FOXP1: variants seen among roughly 807,000 people sequenced by gnomAD.
FOXP1 encodes forkhead box P1, also known as forkhead box protein P1.
A neutral mutation model predicts 98.2 loss-of-function variants in FOXP1; 15 were observed. The observed-to-expected ratio is 0.15, with a 90% confidence interval of 0.10 to 0.24. FOXP1 has a LOEUF of 0.24. Among genes scored for constraint, FOXP1 ranks in the 10% least tolerant of loss-of-function variants. The pLI is 1.00. For synonymous variants in FOXP1, 371 were observed against 314.5 expected (o/e 1.18, Z -1.90); for missense variants, 633 against 848.5 (o/e 0.75, Z 3.15).
At chr3:71,214,376 C>A (rs1576415297) in intron 5 of FOXP1, among the ~76,000 whole-genome samples, 1 of 152,160 alleles carries the variant, frequency 6.6e-6, no homozygotes, top group Admixed American at 6.5e-5. Flanking sequence ...AGAACAGGTA[C>A]CAACAGTGGG....
At chr3:71,473,146 A>C (rs141442089) in intron 3 of FOXP1, among the ~76,000 whole-genome samples, 39 of 152,360 alleles carry the variant, frequency 2.6e-4, no homozygotes, top group African/African-American at 7.2e-4. Context: ...TAGCTCATTT[A>C]ATCTCACAGG....
intron 12 of FOXP1, among the ~76,000 whole-genome samples, chr3:71,012,543 C>T (rs2043803229): frequency 6.6e-6 from 1 of 152,174 alleles, no homozygotes; most frequent in Admixed American, 6.6e-5. Flanking sequence ...ACATAATGCT[C>T]TCAGAGTATA....
At chr3:71,020,119 GTTAAT>G (rs1004324653) in intron 11 of FOXP1, among the ~76,000 whole-genome samples, 1 of 152,108 alleles carries the variant, frequency 6.6e-6, no homozygotes, top group Non-Finnish European at 1.5e-5. Context: ...AGAAAAGCCA[GTTAAT>G]TTAAATTTCT....
chr3:71,557,746 A>G (rs2046244364), intron 2 of FOXP1, among the ~76,000 whole-genome samples: 1 of 152,242 alleles, frequency 6.6e-6, no homozygotes, highest in Non-Finnish European at 1.5e-5. Flanking sequence ...ATGCCACATT[A>G]GGAGAGAATG....
At chr3:71,554,015 T>C (rs1578152836) in intron 2 of FOXP1, among the ~76,000 whole-genome samples, 1 of 152,338 alleles carries the variant, frequency 6.6e-6, no homozygotes, top group East Asian at 1.9e-4. Context: ...TTTCTGAATC[T>C]AGTAAAACCA....
intron 12 of FOXP1, among the ~76,000 whole-genome samples, chr3:71,006,719 A>T (rs990082556): frequency 6.6e-6 from 1 of 152,160 alleles, no homozygotes; most frequent in African/African-American, 2.4e-5. Context: ...TGGCTCTTAA[A>T]ATATAAGAAC....
intron 6 of FOXP1, among the ~76,000 whole-genome samples, chr3:71,118,907 A>G (rs540361691): frequency 4.0e-4 from 61 of 152,214 alleles, no homozygotes; most frequent in Non-Finnish European, 5.1e-4. Context: ...GACTTTTGAC[A>G]GAGACCACAT....
chr3:71,477,033 A>G (rs1264099394), intron 3 of FOXP1, among the ~76,000 whole-genome samples: 1 of 152,212 alleles, frequency 6.6e-6, no homozygotes, highest in East Asian at 1.9e-4. Context: ...GAGACAAATA[A>G]GAAAAGGTGA....
At chr3:70,983,570 A>G (rs920521912) in intron 14 of FOXP1, among the ~76,000 whole-genome samples, 2 of 152,226 alleles carry the variant, frequency 1.3e-5, no homozygotes, top group African/African-American at 4.8e-5. Flanking sequence ...CAAATATCCA[A>G]GTTCCTGTAA....
In FOXP1 at chr3:71,188,370, T is replaced by C. The variant is rs541379318; in HGVS notation, c.180+9832A>G. ...CAAGGTAATGTGATAAAAACACGAA[T>C]GTAGGATCAGTGGATGCTTTGCCTC... On this transcript the variant is annotated intron_variant, in intron 6 of 20. Coordinates refer to ENST00000649528, the MANE Select transcript of FOXP1 (RefSeq NM_001349338.3). Among the ~76,000 whole-genome samples the C allele has an allele frequency of 1.1e-4, 16 of 152,180 alleles. No homozygotes were observed. The East Asian group carries it at 3.1e-3, about 29-fold the overall frequency.
intron 5 of FOXP1, among the ~76,000 whole-genome samples, chr3:71,216,868 ACCATTT>A (rs996449644): frequency 3.3e-5 from 5 of 152,014 alleles, no homozygotes; most frequent in Non-Finnish European, 5.9e-5. Flanking sequence ...ATGGCTGAGG[ACCATTT>A]TGGTTGTCAC....
intron 3 of FOXP1, among the ~76,000 whole-genome samples, chr3:71,414,673 C>T (rs2083070383): frequency 6.6e-6 from 1 of 152,190 alleles, no homozygotes; most frequent in African/African-American, 2.4e-5. Flanking sequence ...GGGGAGAGGG[C>T]ACGAGGAGGA....
intron 2 of FOXP1, among the ~76,000 whole-genome samples, chr3:71,516,975 G>T (rs577413139): frequency 6.6e-6 from 1 of 152,324 alleles, no homozygotes; most frequent in African/African-American, 2.4e-5. Context: ...CTGACTGTGT[G>T]TGTGCTTTCT....
intron 10 of FOXP1, among the ~76,000 whole-genome samples, chr3:71,044,507 T>C (rs2048766788): frequency 2.0e-5 from 3 of 152,202 alleles, no homozygotes; most frequent in Admixed American, 1.3e-4. Context: ...CTCCATTTCC[T>C]ATTATAAAAC....
At position 71,583,662 on chromosome 3, in the gene FOXP1, A is replaced by G. The variant is rs2048371739; in HGVS notation, c.-538T>C. On this transcript the variant is annotated 5_prime_UTR_variant, in exon 1 of 21. Coordinates refer to ENST00000649528, the MANE Select transcript of FOXP1 (RefSeq NM_001349338.3). The stretch of plus-strand genomic sequence containing the variant: ...CCGCCCGCGCGCGCACCCCGCGCAC[A>G]CACTCACTCGCGCACACACGCGCGC... 2.5e-5 allele frequency: 25 copies of G among 984,014 alleles called. No individual in the cohort carries two copies. Among genetic ancestry groups the G allele is most frequent in the South Asian group, 4.7e-5 (1 of 21,252 alleles). 61.0% of individuals were successfully genotyped at this position (984,014 alleles called of 1,614,324 possible). A position where few individuals can be genotyped will look rare whatever the true frequency, so the allele number is the denominator to read the frequency against.
Position 70,986,115 on chromosome 3 carries a change from AT to A in FOXP1, c.1146+1878del, listed in dbSNP as rs909644945. ...GTTACAATTTTCTAGAAAGTAAAAC[AT>A]TTTTTTTTAATACTAATCAAGACAA... On this transcript the variant is annotated intron_variant, in intron 14 of 20. Transcript: ENST00000649528. Among the ~76,000 whole-genome samples the A allele has an allele frequency of 5.3e-5, 8 of 151,726 alleles. No homozygotes were observed. In the South Asian group the frequency reaches 1.5e-3, roughly 28 times the overall value.
intron 2 of FOXP1, among the ~76,000 whole-genome samples, chr3:71,565,126 A>T (rs1182451116): frequency 1.3e-5 from 2 of 152,084 alleles, no homozygotes; most frequent in African/African-American, 2.4e-5. Context: ...GAAAGAAGTC[A>T]AATCATCCAC....
chr3:71,575,178 G>C (rs914813405), intron 2 of FOXP1, among the ~76,000 whole-genome samples: 16 of 152,090 alleles, frequency 1.1e-4, no homozygotes, highest in Admixed American at 5.9e-4. Context: ...CTCGTGCTTG[G>C]TTAAAAACCA....
At position 71,366,655 on chromosome 3, in the gene FOXP1, C is replaced by T. The variant is rs754139036; in HGVS notation, c.-167-7411G>A. On this transcript the variant is annotated intron_variant, in intron 3 of 20. Transcript: ENST00000649528. ...GTTTTGACTTTAAAAAAAGAAGAAA[C>T]ATTTTGCACATTTCTACTCATTTAT... Among the ~76,000 whole-genome samples the T allele has an allele frequency of 1.4e-4, 22 of 152,064 alleles. 1 individual carries two copies. Among genetic ancestry groups the T allele is most frequent in the Non-Finnish European group, 1.5e-5 (1 of 67,994 alleles).
Sources: allele counts gnomAD v4.1 joint callset (sites outside exome capture counted in the v4.1 genomes callset), GRCh38; gene constraint gnomAD v4.1.1; transcripts MANE v1.5; gene names NCBI Gene and HGNC (gene_info 2026-07-23, HGNC 2026-07-21).